Variants in VEPH1 observed in about 807,000 individuals in gnomAD.
The protein encoded by VEPH1 is ventricular zone-expressed PH domain-containing protein homolog 1.
A neutral mutation model predicts 85.2 loss-of-function variants in VEPH1; 80 were observed. The ratio of observed to expected loss-of-function variants is 0.94; its 90% CI spans 0.78 to 1.13. The LOEUF (loss-of-function observed/expected upper bound fraction) is 1.13. VEPH1 is among the 50% of genes most tolerant of loss of function. The probability of loss-of-function intolerance (pLI) is 0.00; values close to 1 mark genes in which losing one functional copy is unlikely to be tolerated. For missense variants in VEPH1, 955 were observed against 980.5 expected, an observed-to-expected ratio of 0.97 and a Z score of 0.35; for synonymous variants, 297 against 348.0, an observed-to-expected ratio of 0.85 and a Z score of 1.63.
intron 11 of VEPH1, among the ~76,000 whole-genome samples, chr3:157,290,035 AAC>A (rs34035101): frequency 0.065 from 9,333 of 144,168 alleles, 309 homozygotes; most frequent in African/African-American, 0.09. Context: ...ATTATACACA[AAC>A]ACACACACAC....
intron 5 of VEPH1, among the ~76,000 whole-genome samples, chr3:157,422,485 C>T (rs557604995): frequency 6.6e-6 from 1 of 152,328 alleles, no homozygotes; most frequent in African/African-American, 2.4e-5. Flanking sequence ...TGTCTACCCT[C>T]CCCTGCCTGC....
At chr3:157,327,575 T>TAAAG (rs1722047313) in intron 9 of VEPH1, among the ~76,000 whole-genome samples, 1 of 152,160 alleles carries the variant, frequency 6.6e-6, no homozygotes, top group Admixed American at 6.5e-5. Context: ...AATCTTGTCC[T>TAAAG]AAAGAATCAG....
chr3:157,340,718 A>C (rs1321074399), intron 9 of VEPH1, among the ~76,000 whole-genome samples: 2 of 152,222 alleles, frequency 1.3e-5, no homozygotes, highest in Non-Finnish European at 2.9e-5. Context: ...GAATGGTCAG[A>C]CTGCCTCCTC....
At chr3:157,313,242 C>G (rs1485519108) in intron 11 of VEPH1, among the ~76,000 whole-genome samples, 1 of 152,022 alleles carries the variant, frequency 6.6e-6, no homozygotes, top group Non-Finnish European at 1.5e-5. Flanking sequence ...CCATGATGTT[C>G]AGGCTAATCT....
rs1288442255 is a variant in VEPH1, at chr3:157,265,585, A to G, written c.2206T>C (p.Trp736Arg). The G allele has an allele frequency of 1.9e-6, 3 of 1,613,504 alleles. No homozygotes were observed. Among genetic ancestry groups the G allele is most frequent in the African/African-American group, 2.7e-5 (2 of 74,920 alleles). The change falls in exon 13 of 14, where the codon TGG becomes CGG. Residue 736 changes from tryptophan (W) to arginine (R), a missense_variant. Trp to Arg is a moderately radical substitution (Grantham distance 101). Transcript: ENST00000362010. ...GCCAGTGTAAAATAGCGTGTTTTCC[A>G]CCTTTTGATGAACTTCCATCTGACT... ...KQVRWKFIKR[W>R]KTRYFTLAGN...
chr3:157,405,780 T>A (rs1365203143), intron 6 of VEPH1, among the ~76,000 whole-genome samples: 1 of 152,186 alleles, frequency 6.6e-6, no homozygotes, highest in African/African-American at 2.4e-5. Context: ...CAAAATTCAG[T>A]AACAGCAAGT....
intron 4 of VEPH1, among the ~76,000 whole-genome samples, chr3:157,452,187 G>A (rs1735023167): frequency 6.6e-6 from 1 of 152,116 alleles, no homozygotes; most frequent in South Asian, 2.1e-4. Flanking sequence ...AGCACATGCA[G>A]GGGAGGGCAG....
At position 157,337,117 on chromosome 3, in the gene VEPH1, A is replaced by T. The variant is rs138869695; in HGVS notation, c.1736-19916T>A. 4.0e-5 allele frequency among the ~76,000 whole-genome samples: 6 copies of T among 150,780 alleles called. No homozygotes were observed. In the East Asian group the frequency reaches 1.2e-3, roughly 29 times the overall value. On this transcript the variant is annotated intron_variant, in intron 9 of 13. Coordinates refer to ENST00000362010, the MANE Select transcript of VEPH1 (RefSeq NM_001167912.2). Reference sequence around the variant, plus strand: ...TGCCATAGGCATTTTATATATTTATATATGTATATAAATTTATGTATTTAT... The same window carrying T: ...TGCCATAGGCATTTTATATATTTATTTATGTATATAAATTTATGTATTTAT...
At chr3:157,452,996 A>G (rs1465403541) in intron 4 of VEPH1, among the ~76,000 whole-genome samples, 1 of 152,190 alleles carries the variant, frequency 6.6e-6, no homozygotes. Context: ...AGCCTGACCA[A>G]CTGAAGTACA....
At chr3:157,474,038 A>C (rs770517603) in intron 2 of VEPH1, among the ~76,000 whole-genome samples, 34 of 152,048 alleles carry the variant, frequency 2.2e-4, no homozygotes, top group Admixed American at 6.6e-4. Context: ...ATTTCATTTA[A>C]ATTTTTTTGC....
At chr3:157,364,973 T>C (rs16827540) in intron 7 of VEPH1, among the ~76,000 whole-genome samples, 4,626 of 152,326 alleles carry the variant, frequency 0.03, 243 homozygotes, top group African/African-American at 0.11. Flanking sequence ...ATAACTCTTA[T>C]ACCTTCCAAG....
At chr3:157,441,487 A>G (rs1430258054) in intron 4 of VEPH1, among the ~76,000 whole-genome samples, 1 of 152,186 alleles carries the variant, frequency 6.6e-6, no homozygotes, top group Non-Finnish European at 1.5e-5. Flanking sequence ...CAAAGTTTAC[A>G]AATATCTGAG....
chr3:157,350,001 A>T (rs572926168), intron 9 of VEPH1, among the ~76,000 whole-genome samples: 71 of 152,292 alleles, frequency 4.7e-4, no homozygotes, highest in Non-Finnish European at 7.9e-4. Flanking sequence ...GACATTCTTC[A>T]CATAAATAGA....
intron 9 of VEPH1, among the ~76,000 whole-genome samples, chr3:157,340,308 C>T (rs543428427): frequency 1.5e-4 from 23 of 152,328 alleles, no homozygotes; most frequent in Non-Finnish European, 2.8e-4. Flanking sequence ...CCTGGAAAAT[C>T]GGGTCATGCC....
chr3:157,345,729 A>G (rs1414034970), intron 9 of VEPH1, among the ~76,000 whole-genome samples: 1 of 152,220 alleles, frequency 6.6e-6, no homozygotes, highest in Non-Finnish European at 1.5e-5. Flanking sequence ...ACACATGCAC[A>G]CGTATGTTCA....
intron 8 of VEPH1, 78 bp from the exon 9 acceptor site, chr3:157,363,839 G>A (rs1254719665): frequency 6.6e-7 from 1 of 1,505,856 alleles, no homozygotes; most frequent in Non-Finnish European, 8.9e-7. Flanking sequence ...TAATAATATT[G>A]GGACAAAAAG....
At chr3:157,478,174 A>G (rs947956455) in intron 2 of VEPH1, among the ~76,000 whole-genome samples, 22 of 152,126 alleles carry the variant, frequency 1.4e-4, no homozygotes, top group African/African-American at 5.3e-4. Context: ...TCCAATGACT[A>G]GTCATCATGG....
intron 6 of VEPH1, among the ~76,000 whole-genome samples, chr3:157,406,074 G>A (rs901766976): frequency 1.3e-5 from 2 of 152,084 alleles, no homozygotes; most frequent in African/African-American, 2.4e-5. Flanking sequence ...CAGTTAACAT[G>A]TACCCTTTTT....
rs188275331 is a variant in VEPH1, at chr3:157,334,282, T to C, written c.1736-17081A>G. Among the ~76,000 whole-genome samples, 8 of 152,304 alleles carry C rather than the reference T, an allele frequency of 5.3e-5. No individual in the cohort carries two copies. In the East Asian group the frequency reaches 1.5e-3, roughly 29 times the overall value. On this transcript the variant is annotated intron_variant, in intron 9 of 13. Transcript: ENST00000362010. ...TTACTGAATAGAAAGCAACTAATTT[T>C]GTGCAGCCAATTCTCGGGATATACC...
Sources: gnomAD v4.1 joint callset for allele counts (sites outside exome capture counted in the v4.1 genomes callset) on GRCh38, gnomAD v4.1.1 for gene constraint, MANE v1.5 for transcripts, NCBI Gene and HGNC (gene_info 2026-07-23, HGNC 2026-07-21) for gene names.